The following KCNK12 variants were observed in gnomAD, a reference collection of about 807,000 sequenced individuals.
KCNK12 encodes potassium channel subfamily K member 12.
Under a neutral mutation model 25.3 loss-of-function variants are expected in KCNK12, and 6 were observed. The ratio of observed to expected loss-of-function variants is 0.24; its 90% CI spans 0.13 to 0.47. The LOEUF (loss-of-function observed/expected upper bound fraction) is 0.47. Among genes scored for constraint, KCNK12 ranks in the 20% least tolerant of loss-of-function variants. KCNK12 has a pLI of 0.99. For synonymous variants in KCNK12, 331 were observed against 311.1 expected (o/e 1.06, Z -0.67); for missense variants, 444 against 661.7 (o/e 0.67, Z 3.61).
intron 1 of KCNK12, among the ~76,000 whole-genome samples, chr2:47,561,473 C>T (rs1669667924): frequency 6.6e-6 from 1 of 152,214 alleles, no homozygotes; most frequent in Non-Finnish European, 1.5e-5. Context: ...AACCAGAGTG[C>T]AGCAGGTGCC....
At position 47,525,161 on chromosome 2, in the gene KCNK12, G is replaced by T. The variant is rs549027784; in HGVS notation, c.392-3353C>A. ...CATCCATGCTGGACTTAATAAAACA[G>T]CAAAACAGGTCTGGGGCTAGCAACC... On this transcript the variant is annotated intron_variant, in intron 1 of 1. Coordinates refer to ENST00000327876, the MANE Select transcript of KCNK12 (RefSeq NM_022055.2). This position sits in a 1 kb window ranked among gnomAD's most constrained non-coding sequence, Gnocchi z 4.1. Among the ~76,000 whole-genome samples the T allele has an allele frequency of 2.1e-4, 32 of 152,302 alleles. No individual in the cohort carries two copies. The highest frequency in any genetic ancestry group is 7.5e-4 in the African/African-American group (31 of 41,556).
chr2:47,566,393 C>G lies in KCNK12; in HGVS notation c.391+3548G>C, dbSNP rs1427651393. On this transcript the variant is annotated intron_variant, in intron 1 of 1. Coordinates refer to ENST00000327876, the MANE Select transcript of KCNK12 (RefSeq NM_022055.2). This position sits in a 1 kb window ranked among gnomAD's most constrained non-coding sequence, Gnocchi z 4.1. Reference sequence around the variant, plus strand: ...TCTTCCCCTCCTCTATACACATGTGCTCTCAAGAGTGTGTGTGTGCACGTG... The same window carrying G: ...TCTTCCCCTCCTCTATACACATGTGGTCTCAAGAGTGTGTGTGTGCACGTG... The G allele has an allele frequency of 2.6e-5, 4 of 152,036 alleles. No homozygotes were observed. The highest frequency in any genetic ancestry group is 5.9e-5 in the Non-Finnish European group (4 of 67,988). 9.4% of individuals were successfully genotyped at this position (152,036 alleles called of 1,614,324 possible).
chr2:47,556,205 C>G lies in KCNK12; in HGVS notation c.391+13736G>C, dbSNP rs1282234999. On this transcript the variant is annotated intron_variant, in intron 1 of 1. Transcript: ENST00000327876. The surrounding 1 kb of genome is among the most constrained non-coding windows in gnomAD (Gnocchi z 4.8). ...TGCATACCGATGGAGTATAAATTAA[C>G]AATGCATGGGGAGTGGGTAATGACA... is the stretch of plus-strand genomic sequence containing the variant. Among the ~76,000 whole-genome samples, 2 of 152,130 alleles carry G rather than the reference C, an allele frequency of 1.3e-5. No homozygotes were observed. The highest frequency in any genetic ancestry group is 2.9e-5 in the Non-Finnish European group (2 of 68,030).
Position 47,521,683 on chromosome 2 carries a change from C to T in KCNK12, c.517G>A (p.Ala173Thr). The change falls in exon 2 of 2, where the codon GCC becomes ACC. Residue 173 changes from alanine (A) to threonine (T), a missense_variant. This residue lies in a region of KCNK12 where 44 missense variants were observed against 100.7 expected (regional missense o/e 0.44). Transcript: ENST00000327876. ...TCCCGGCAGGCGCGCATGATGAAGGCCAGCAGCGAGATGATGCGCTCCAGG... is the reference window on the plus strand; with the variant it reads ...TCCCGGCAGGCGCGCATGATGAAGGTCAGCAGCGAGATGATGCGCTCCAGG... The part of the protein sequence containing the change: ...LFLERIISLL[A>T]FIMRACRERQ... The T allele has an allele frequency of 6.2e-7, 1 of 1,603,020 alleles. No individual in the cohort carries two copies. Among genetic ancestry groups the T allele is most frequent in the Non-Finnish European group, 8.5e-7 (1 of 1,176,262 alleles).
At position 47,557,434 on chromosome 2, in the gene KCNK12, T is replaced by C. The variant is rs1339936880; in HGVS notation, c.391+12507A>G. ...GTGAGTGAAATCAACTTTTTTTTGT[T>C]TGTTTTTTTTTAATAAATTACCCAG... On this transcript the variant is annotated intron_variant, in intron 1 of 1. Transcript: ENST00000327876. The surrounding 1 kb of genome is among the most constrained non-coding windows in gnomAD (Gnocchi z 4.9). 6.6e-6 allele frequency among the ~76,000 whole-genome samples: 1 copy of C among 152,004 alleles called. No homozygotes were observed. The highest frequency in any genetic ancestry group is 1.5e-5 in the Non-Finnish European group (1 of 68,006).
rs1291561320 is a variant in KCNK12, at chr2:47,570,903, C to A, written c.-572G>T. 1 of 152,182 alleles carries A rather than the reference C, an allele frequency of 6.6e-6. No homozygotes were observed. The highest frequency in any genetic ancestry group is 1.5e-5 in the Non-Finnish European group (1 of 68,058). The allele number at this position is 152,182 out of a possible 1,614,324, so 9.4% of individuals were successfully genotyped here. ...GAGCTGGCGGCGTCGGCTTCAGAGC[C>A]TCGGAGCCGAGCCGAGTCCGGGGAA... On this transcript the variant is annotated 5_prime_UTR_variant, in exon 1 of 2. The change creates a new upstream start codon in the 5' untranslated region. Coordinates refer to ENST00000327876, the MANE Select transcript of KCNK12 (RefSeq NM_022055.2).
Position 47,533,082 on chromosome 2 carries a change from C to T in KCNK12, c.392-11274G>A, listed in dbSNP as rs1302476292. Reference sequence around the variant, plus strand: ...CTGGAGTGCAGTGGTGTGATCTTGGCTCACTGCAACCTCCACCTCCCAGGT... The same window carrying T: ...CTGGAGTGCAGTGGTGTGATCTTGGTTCACTGCAACCTCCACCTCCCAGGT... On this transcript the variant is annotated intron_variant, in intron 1 of 1. Transcript: ENST00000327876. The surrounding 1 kb of genome is among the most constrained non-coding windows in gnomAD (Gnocchi z 4.7). 6.6e-6 allele frequency among the ~76,000 whole-genome samples: 1 copy of T among 152,150 alleles called. No homozygotes were observed. Among genetic ancestry groups the T allele is most frequent in the African/African-American group, 2.4e-5 (1 of 41,440 alleles).
Position 47,512,338 on chromosome 2 carries a change from C to G in KCNK12, c.*8569G>C. The G allele has an allele frequency of 6.2e-7, 1 of 1,612,602 alleles. No individual in the cohort carries two copies. Among genetic ancestry groups the G allele is most frequent in the African/African-American group, 1.3e-5 (1 of 75,058 alleles). ...TGACAGAGCCAAAAGACCAGTGCCT[C>G]ATTTTGCTGACATGGAAAAGGAAAC... On this transcript the variant is annotated 3_prime_UTR_variant, in exon 2 of 2. Coordinates refer to ENST00000327876, the MANE Select transcript of KCNK12 (RefSeq NM_022055.2).
intron 1 of KCNK12, among the ~76,000 whole-genome samples, chr2:47,561,537 G>A (rs1251555974): frequency 6.6e-6 from 1 of 152,154 alleles, no homozygotes; most frequent in Non-Finnish European, 1.5e-5. Context: ...GGGTGGTGTG[G>A]CCGGGTGAGC....
intron 1 of KCNK12, among the ~76,000 whole-genome samples, chr2:47,552,974 C>A (rs1446842363): frequency 1.3e-5 from 2 of 152,266 alleles, no homozygotes; most frequent in East Asian, 3.9e-4. Context: ...TACCCCTTTT[C>A]TTTTGCTCCT....
rs1389554788 is a variant in KCNK12, at chr2:47,533,816, G to T, written c.392-12008C>A. Among the ~76,000 whole-genome samples the T allele has an allele frequency of 6.6e-6, 1 of 152,182 alleles. No homozygotes were observed. The highest frequency in any genetic ancestry group is 1.5e-5 in the Non-Finnish European group (1 of 68,040). On this transcript the variant is annotated intron_variant, in intron 1 of 1. Coordinates refer to ENST00000327876, the MANE Select transcript of KCNK12 (RefSeq NM_022055.2). This position sits in a 1 kb window ranked among gnomAD's most constrained non-coding sequence, Gnocchi z 4.7. ...TTTGTCTGATTTGCAGAGCTGGATGGACTGCTCCCTGAGGACAGAAGCTCT... is the reference window on the plus strand; with the variant it reads ...TTTGTCTGATTTGCAGAGCTGGATGTACTGCTCCCTGAGGACAGAAGCTCT...
rs7586557 is a variant in KCNK12 at position 47,521,829 on chromosome 2, C to T, written c.392-21G>A. ...GAAACCTGTGGAGACAGGGCAGGGTCAGCGCGGTCCTGGCCGCGCAGGTGG... is the reference window on the plus strand; with the variant it reads ...GAAACCTGTGGAGACAGGGCAGGGTTAGCGCGGTCCTGGCCGCGCAGGTGG... On this transcript the variant is annotated intron_variant, in intron 1 of 1. Coordinates refer to ENST00000327876, the MANE Select transcript of KCNK12 (RefSeq NM_022055.2). 6.4e-4 allele frequency: 953 copies of T among 1,488,450 alleles called. 2 individuals carry two copies. In the African/African-American group the frequency reaches 0.013, roughly 20 times the overall value. 92.2% of individuals were successfully genotyped at this position (1,488,450 alleles called of 1,614,324 possible). A position where few individuals can be genotyped will look rare whatever the true frequency, so the allele number is the denominator to read the frequency against.
intron 1 of KCNK12, among the ~76,000 whole-genome samples, chr2:47,542,750 G>C (rs1233175412): frequency 1.3e-5 from 2 of 152,188 alleles, no homozygotes; most frequent in African/African-American, 4.8e-5. Context: ...GCACTCAGAT[G>C]GCTTCTGCCT....
Position 47,515,182 on chromosome 2 carries a change from C to G in KCNK12, c.*5725G>C, listed in dbSNP as rs1050941224. Among the ~76,000 whole-genome samples the G allele has an allele frequency of 1.3e-5, 2 of 152,184 alleles. No individual in the cohort carries two copies. The highest frequency in any genetic ancestry group is 1.5e-5 in the Non-Finnish European group (1 of 68,038). On this transcript the variant is annotated 3_prime_UTR_variant, in exon 2 of 2. Coordinates refer to ENST00000327876, the MANE Select transcript of KCNK12 (RefSeq NM_022055.2). ...TGATGGGTGACGAGAAATCAGGCCTCTCCGCCACGGCAGCCTAGCTAATGG... is the reference window on the plus strand; with the variant it reads ...TGATGGGTGACGAGAAATCAGGCCTGTCCGCCACGGCAGCCTAGCTAATGG...
In KCNK12 at chr2:47,539,768, G is replaced by A. The variant is rs139412202; in HGVS notation, c.392-17960C>T. On this transcript the variant is annotated intron_variant, in intron 1 of 1. Transcript: ENST00000327876. ...GGAGCCGAAAGGGGAAGAAACGGAC[G>A]CAGGTAGGGGTGGCTGCTGTTAAAG... 6.0e-4 allele frequency among the ~76,000 whole-genome samples: 92 copies of A among 152,326 alleles called. No individual in the cohort carries two copies. In the South Asian group the frequency reaches 0.014, roughly 23 times the overall value.
Position 47,569,857 on chromosome 2 carries a change from A to G in KCNK12, c.391+84T>C. The G allele has an allele frequency of 8.8e-7, 1 of 1,134,034 alleles. No individual in the cohort carries two copies. The allele number at this position is 1,134,034 out of a possible 1,614,324, so 70.2% of individuals were successfully genotyped here. On this transcript the variant is annotated intron_variant, in intron 1 of 1. Coordinates refer to ENST00000327876, the MANE Select transcript of KCNK12 (RefSeq NM_022055.2). This position sits in a 1 kb window ranked among gnomAD's most constrained non-coding sequence, Gnocchi z 4.1. ...TTAGAAGGGAAGGCAGAGCCGAGGG[A>G]CGCGGACCGAGCGGCCGAGCAGTGG...
intron 1 of KCNK12, among the ~76,000 whole-genome samples, chr2:47,523,603 C>T (rs1178151272): frequency 1.3e-5 from 2 of 152,236 alleles, no homozygotes; most frequent in Non-Finnish European, 2.9e-5. Context: ...CCATCCAGGG[C>T]AGTGCAGAGT....
chr2:47,526,865 G>A (rs147394908), intron 1 of KCNK12, among the ~76,000 whole-genome samples: 38 of 152,358 alleles, frequency 2.5e-4, no homozygotes, highest in African/African-American at 8.7e-4. Context: ...CATTTCCAGT[G>A]TCGGCCCATT....
Position 47,570,398 on chromosome 2 carries a change from G to A in KCNK12, c.-67C>T. On this transcript the variant is annotated 5_prime_UTR_variant, in exon 1 of 2. Coordinates refer to ENST00000327876, the MANE Select transcript of KCNK12 (RefSeq NM_022055.2). ...CCGGGCCACGACATCCCCCCGGCGG[G>A]AGCAGGAGCGTGAGGATGGTGGCCA... 8.3e-7 allele frequency: 1 copy of A among 1,207,324 alleles called. No individual in the cohort carries two copies. The highest frequency in any genetic ancestry group is 1.0e-6 in the Non-Finnish European group (1 of 973,196). 74.8% of individuals were successfully genotyped at this position (1,207,324 alleles called of 1,614,324 possible). A position where few individuals can be genotyped will look rare whatever the true frequency, so the allele number is the denominator to read the frequency against.
Sources: gnomAD v4.1 joint callset for allele counts (sites outside exome capture counted in the v4.1 genomes callset) on GRCh38, gnomAD v4.1.1 for gene constraint, gnomAD v4.1.1 regional missense constraint, Gnocchi (gnomAD v3.1) non-coding constraint, MANE v1.5 for transcripts, NCBI Gene and HGNC (gene_info 2026-07-23, HGNC 2026-07-21) for gene names.